ADGRL3: variants seen among roughly 807,000 people sequenced by gnomAD.
ADGRL3 encodes the protein calcium-independent alpha-latrotoxin receptor 3.
Under a neutral mutation model 153.5 loss-of-function variants are expected in ADGRL3, and 62 were observed. The ratio of observed to expected loss-of-function variants is 0.40; its 90% CI spans 0.33 to 0.50. The LOEUF is 0.50. Ranked by LOEUF, ADGRL3 falls within the 20% of genes least tolerant of loss-of-function variation. The pLI, the probability that ADGRL3 is intolerant of heterozygous loss-of-function variation, is 0.47. For missense variants in ADGRL3, 1,641 were observed against 1,859.4 expected, an observed-to-expected ratio of 0.88 and a Z score of 2.16; for synonymous variants, 710 against 672.5, an observed-to-expected ratio of 1.06 and a Z score of -0.86.
At chr4:61,886,180 T>G (rs1401138471) in intron 9 of ADGRL3, among the ~76,000 whole-genome samples, 1 of 152,114 alleles carries the variant, frequency 6.6e-6, no homozygotes, top group Non-Finnish European at 1.5e-5. Flanking sequence ...ATTAGATAAT[T>G]TCATGACCGA....
At chr4:61,491,866 G>T (rs2098261623) in intron 2 of ADGRL3, among the ~76,000 whole-genome samples, 1 of 152,008 alleles carries the variant, frequency 6.6e-6, no homozygotes, top group Admixed American at 6.6e-5. Flanking sequence ...GGCTTGTTTT[G>T]ATTTTTAAAC....
chr4:61,460,089 C>G (rs984951442), intron 2 of ADGRL3, among the ~76,000 whole-genome samples: 1 of 151,984 alleles, frequency 6.6e-6, no homozygotes, highest in South Asian at 2.1e-4. Flanking sequence ...AATGCGATCT[C>G]TTTTGTCTGT....
At position 61,556,759 on chromosome 4, in the gene ADGRL3, G is replaced by A. The variant is rs191788464; in HGVS notation, c.260-30468G>A. 4.0e-3 allele frequency among the ~76,000 whole-genome samples: 607 copies of A among 152,324 alleles called. 3 individuals are homozygous for A. Among genetic ancestry groups the A allele is most frequent in the Non-Finnish European group, 6.4e-3 (434 of 68,032 alleles). On this transcript the variant is annotated intron_variant, in intron 4 of 26. Transcript: ENST00000683033. ...AAAAGGCAATAGGTACTTAACCCCG[G>A]TGACAAGGATTTGAAGGAGTTATTG...
In ADGRL3 at chr4:61,948,140, G is replaced by A. The variant is rs1475277366; in HGVS notation, c.2669G>A (p.Ser890Asn). 2 of 1,613,292 alleles carry A rather than the reference G, an allele frequency of 1.2e-6. No individual in the cohort carries two copies. The highest frequency in any genetic ancestry group is 1.7e-5 in the Admixed American group (1 of 59,882). The stretch of plus-strand genomic sequence containing the variant: ...TTCAACCCTAACTGTTCATTTTGGA[G>A]CTACTCCAAGCGTACAATGACAGGT... ...ENFNPNCSFW[S>N]YSKRTMTGYW... Residue 890 changes from serine to asparagine, a missense_variant, in exon 17 of 27, where the codon AGC becomes AAC. Physicochemically the swap from Ser to Asn is conservative, Grantham distance 46. This residue lies in a region of ADGRL3 where 734 missense variants were observed against 797.0 expected (regional missense o/e 0.92). Coordinates refer to ENST00000683033, the MANE Select transcript of ADGRL3 (RefSeq NM_001387552.1).
intron 1 of ADGRL3, among the ~76,000 whole-genome samples, chr4:61,326,517 T>G (rs2150876550): frequency 6.6e-6 from 1 of 152,088 alleles, no homozygotes; most frequent in African/African-American, 2.4e-5. Context: ...GAATTTTTAT[T>G]ATATTTTATT....
At chr4:61,629,173 A>G (rs2149987466) in intron 5 of ADGRL3, among the ~76,000 whole-genome samples, 1 of 152,324 alleles carries the variant, frequency 6.6e-6, no homozygotes, top group African/African-American at 2.4e-5. Context: ...GAGATAGAAA[A>G]GATTCATTTT....
chr4:61,254,223 C>G (rs886735257), intron 1 of ADGRL3, among the ~76,000 whole-genome samples: 5 of 152,128 alleles, frequency 3.3e-5, no homozygotes, highest in African/African-American at 1.2e-4. Context: ...CCCCAATTCA[C>G]TTCCATCTTC....
At chr4:61,597,280 G>C (rs752435648) in intron 5 of ADGRL3, among the ~76,000 whole-genome samples, 12 of 151,982 alleles carry the variant, frequency 7.9e-5, no homozygotes, top group African/African-American at 1.4e-4. Context: ...TACTTCAAAA[G>C]TAATAAAAAG....
intron 2 of ADGRL3, among the ~76,000 whole-genome samples, chr4:61,419,955 G>A (rs1361043583): frequency 6.6e-6 from 1 of 151,540 alleles, no homozygotes; most frequent in Non-Finnish European, 1.5e-5. Context: ...CACCATGCCC[G>A]GCTGATATTT....
At chr4:61,641,046 AAC>A (rs936363998) in intron 5 of ADGRL3, among the ~76,000 whole-genome samples, 1 of 152,172 alleles carries the variant, frequency 6.6e-6, no homozygotes, top group African/African-American at 2.4e-5. Context: ...AATTGAAAAG[AAC>A]ACAGAATGCT....
At chr4:61,774,822 C>T (rs752225849) in intron 8 of ADGRL3, among the ~76,000 whole-genome samples, 2 of 152,034 alleles carry the variant, frequency 1.3e-5, no homozygotes, top group African/African-American at 2.4e-5. Flanking sequence ...TGGGGAAAAA[C>T]CTGGTATGTG....
At chr4:61,738,413 C>T (rs538562857) in intron 8 of ADGRL3, among the ~76,000 whole-genome samples, 2 of 152,196 alleles carry the variant, frequency 1.3e-5, no homozygotes, top group East Asian at 3.9e-4. Context: ...GTGTAATGAC[C>T]TCTTTTCCTC....
At chr4:62,057,346 T>C (rs1737585320) in intron 25 of ADGRL3, among the ~76,000 whole-genome samples, 1 of 152,314 alleles carries the variant, frequency 6.6e-6, no homozygotes, top group African/African-American at 2.4e-5. Flanking sequence ...ATCACAGTTT[T>C]GTGTTAAAAC....
chr4:61,786,110 A>G (rs1290922626), intron 8 of ADGRL3, among the ~76,000 whole-genome samples: 2 of 152,222 alleles, frequency 1.3e-5, no homozygotes, highest in African/African-American at 4.8e-5. Flanking sequence ...GTACAACTTT[A>G]TCTGCAGAAT....
chr4:61,654,718 G>A (rs898407486), intron 5 of ADGRL3, among the ~76,000 whole-genome samples: 5 of 151,996 alleles, frequency 3.3e-5, no homozygotes, highest in African/African-American at 1.2e-4. Flanking sequence ...CCAAGATGGT[G>A]AAACCCCATC....
intron 1 of ADGRL3, among the ~76,000 whole-genome samples, chr4:61,279,858 T>A (rs1236713118): frequency 6.6e-6 from 1 of 152,116 alleles, no homozygotes; most frequent in Non-Finnish European, 1.5e-5. Context: ...TATGGCCAAG[T>A]CACTTAACCC....
chr4:61,292,519 G>A (rs781349568), intron 1 of ADGRL3, among the ~76,000 whole-genome samples: 2 of 152,128 alleles, frequency 1.3e-5, no homozygotes, highest in Non-Finnish European at 2.9e-5. Flanking sequence ...CATGCCACGT[G>A]TGTATGTGTA....
intron 17 of ADGRL3, among the ~76,000 whole-genome samples, chr4:61,965,060 G>T (rs2099001052): frequency 1.3e-5 from 2 of 152,010 alleles, no homozygotes; most frequent in Admixed American, 6.6e-5. Context: ...GAGTGCAGTG[G>T]CATGATCATG....
intron 4 of ADGRL3, among the ~76,000 whole-genome samples, chr4:61,530,078 A>C (rs529178604): frequency 2.8e-4 from 43 of 152,296 alleles, no homozygotes; most frequent in Non-Finnish European, 4.7e-4. Flanking sequence ...ATGTATTTCC[A>C]GGTGTCCATG....
Sources: allele counts gnomAD v4.1 joint callset (sites outside exome capture counted in the v4.1 genomes callset), GRCh38; gene constraint gnomAD v4.1.1; regional missense constraint gnomAD v4.1.1; transcripts MANE v1.5; gene names NCBI Gene and HGNC (gene_info 2026-07-23, HGNC 2026-07-21).